ZNF728: variants seen among roughly 807,000 people sequenced by gnomAD.
The protein encoded by ZNF728 is zinc finger protein 728.
In ZNF728, 12 loss-of-function variants were observed where a neutral mutation model predicts 12.5. The observed-to-expected ratio is 0.96, with a 90% confidence interval of 0.61 to 1.55. The LOEUF (loss-of-function observed/expected upper bound fraction) is 1.55, where lower values mean the gene tolerates loss of function less well. Among genes scored for constraint, ZNF728 ranks in the 40% most tolerant of loss-of-function variants. ZNF728 has a pLI of 0.00. For synonymous variants in ZNF728, 205 were observed against 240.7 expected (o/e 0.85, Z 1.37); for missense variants, 692 against 719.2 (o/e 0.96, Z 0.43).
At chr19:23,000,926 T>C (rs1919254) in intron 1 of ZNF728, among the ~76,000 whole-genome samples, 1 of 127,814 alleles carries the variant, frequency 7.8e-6, no homozygotes, top group African/African-American at 2.8e-5. Flanking sequence ...AAGTGAACAA[T>C]GCATTTAATC....
chr19:23,000,157 A>C (rs1210394607), intron 1 of ZNF728, among the ~76,000 whole-genome samples: 10 of 151,984 alleles, frequency 6.6e-5, no homozygotes, highest in African/African-American at 1.7e-4. Context: ...TCATGAGGTC[A>C]GGAGATCGAG....
chr19:22,982,437 G>A (rs565787151), intron 3 of ZNF728, among the ~76,000 whole-genome samples: 1 of 152,182 alleles, frequency 6.6e-6, no homozygotes, highest in South Asian at 2.1e-4. Context: ...ATGGCCATAC[G>A]GCCCAAAGTA....
chr19:22,990,109 G>T (rs1479412354), intron 1 of ZNF728, among the ~76,000 whole-genome samples: 1 of 152,108 alleles, frequency 6.6e-6, no homozygotes, highest in African/African-American at 2.4e-5. Flanking sequence ...CAGAGACTTT[G>T]ACTATTGTAA....
intron 2 of ZNF728, 145 bp from the exon 3 acceptor site, chr19:22,987,548 T>A (rs1968931036): frequency 2.4e-6 from 2 of 829,560 alleles, no homozygotes; most frequent in African/African-American, 3.6e-5. Flanking sequence ...TTCTAAATAT[T>A]TAGAAAACAC....
At chr19:22,997,150 T>C (rs1347014713) in intron 1 of ZNF728, among the ~76,000 whole-genome samples, 2 of 152,114 alleles carry the variant, frequency 1.3e-5, no homozygotes, top group African/African-American at 2.4e-5. Context: ...CTTGACCAAA[T>C]AGTCCTAATA....
chr19:22,980,980 C>G (rs1968855294), intron 3 of ZNF728, among the ~76,000 whole-genome samples: 1 of 150,784 alleles, frequency 6.6e-6, no homozygotes, highest in Non-Finnish European at 1.5e-5. Context: ...GAAGCAAGAA[C>G]AAATAAATTC....
chr19:22,985,265 GA>G (rs1322043790), intron 3 of ZNF728, among the ~76,000 whole-genome samples: 1 of 152,078 alleles, frequency 6.6e-6, no homozygotes, highest in Non-Finnish European at 1.5e-5. Flanking sequence ...CAGATAAAAA[GA>G]AAAAGGTGCC....
At chr19:22,997,529 C>T (rs553445544) in intron 1 of ZNF728, among the ~76,000 whole-genome samples, 7 of 152,126 alleles carry the variant, frequency 4.6e-5, no homozygotes, top group Middle Eastern at 3.4e-3. Context: ...AAGAAAAATT[C>T]ATAGCGTTAA....
chr19:22,987,155 A>G (rs1470330355), intron 3 of ZNF728, among the ~76,000 whole-genome samples, 153 bp downstream of exon 3: 2 of 152,194 alleles, frequency 1.3e-5, no homozygotes, highest in Non-Finnish European at 2.9e-5. Context: ...AGAAGATGCC[A>G]CTGTGTGAGA....
chr19:23,000,381 AAAAC>A (rs1377480534), intron 1 of ZNF728, among the ~76,000 whole-genome samples: 2 of 151,262 alleles, frequency 1.3e-5, no homozygotes, highest in African/African-American at 4.8e-5. Context: ...CTGCCTCAAA[AAAAC>A]AAAAAAACAA....
At position 22,975,501 on chromosome 19, in the gene ZNF728, T is replaced by C. The variant is rs1437592776; in HGVS notation, c.1836A>G (p.Arg612=). The C allele has an allele frequency of 1.9e-6, 3 of 1,550,388 alleles. No homozygotes were observed. The Admixed American group carries it at 6.2e-5, about 32-fold the overall frequency. Residue 612 remains arginine, a synonymous_variant, in exon 4 of 4, where the codon AGA becomes AGG. Transcript: ENST00000594710. The part of the protein sequence containing the change: ...NQSSHLTTHK[R]IHTGGKTLQM ...GTAGGGTTTTTCCTCCAGTATGAAT[T>C]CTCTTATGAGTAGTAAGGTGTGAGG...
intron 3 of ZNF728, among the ~76,000 whole-genome samples, chr19:22,981,933 G>C (rs558448481): frequency 8.5e-5 from 13 of 152,152 alleles, no homozygotes; most frequent in African/African-American, 2.9e-4. Flanking sequence ...ATACTGAATG[G>C]CCAAAAACCA....
rs1314800793 is a variant in ZNF728 at position 22,975,140 on chromosome 19, T to G, written c.*328A>C. Reference sequence around the variant, plus strand: ...AAAAGCCTTGTCACATCTTTCAGGTTTGCAGTTTCTCTCTAGTATGAATTA... The same window carrying G: ...AAAAGCCTTGTCACATCTTTCAGGTGTGCAGTTTCTCTCTAGTATGAATTA... On this transcript the variant is annotated 3_prime_UTR_variant, in exon 4 of 4. Coordinates refer to ENST00000594710, the MANE Select transcript of ZNF728 (RefSeq NM_001267716.2). Among the ~76,000 whole-genome samples the G allele has an allele frequency of 6.6e-6, 1 of 152,238 alleles. No individual in the cohort carries two copies. The highest frequency in any genetic ancestry group is 2.4e-5 in the African/African-American group (1 of 41,476).
At chr19:22,996,345 C>T (rs1476658318) in intron 1 of ZNF728, among the ~76,000 whole-genome samples, 1 of 152,140 alleles carries the variant, frequency 6.6e-6, no homozygotes, top group Non-Finnish European at 1.5e-5. Context: ...CATAACTATA[C>T]TAACTGTACT....
Position 23,003,119 on chromosome 19 carries a change from CGGACGACACACAGCAGTAA to C in ZNF728, c.-108_-90del. 3 of 1,455,074 alleles carry C rather than the reference CGGACGACACACAGCAGTAA, an allele frequency of 2.1e-6. No individual in the cohort carries two copies. The highest frequency in any genetic ancestry group is 2.5e-5 in the East Asian group (1 of 39,828). The allele number at this position is 1,455,074 out of a possible 1,614,324, so 90.1% of individuals were successfully genotyped here. On this transcript the variant is annotated 5_prime_UTR_variant, in exon 1 of 4. Coordinates refer to ENST00000594710, the MANE Select transcript of ZNF728 (RefSeq NM_001267716.2). Reference sequence around the variant, plus strand: ...GCCATAGAAGCTGGGCCTTTAGGAGCGGACGACACACAGCAGTAAGGACGACACCTTGACCTCCGCGTGC... The same window carrying C: ...GCCATAGAAGCTGGGCCTTTAGGAGCGGACGACACCTTGACCTCCGCGTGC...
In ZNF728 at chr19:22,987,345, C is replaced by G. The variant is rs1968927928; in HGVS notation, c.189G>C (p.Trp63Cys). Reference protein sequence around the residue: ...IIFLEQGKEPWNMKRHELVKE... With the variant: ...IIFLEQGKEPCNMKRHELVKE... ...TCACCAGCTCATGTCTCTTCATATT[C>G]CAGGGCTCTTTTCCTTGCTCCAGAA... The change falls in exon 3 of 4, where the codon TGG becomes TGC. Residue 63 changes from tryptophan to cysteine, a missense_variant. Transcript: ENST00000594710. 6.2e-7 allele frequency: 1 copy of G among 1,612,414 alleles called. No homozygotes were observed. The highest frequency in any genetic ancestry group is 8.5e-7 in the Non-Finnish European group (1 of 1,179,244).
intron 1 of ZNF728, among the ~76,000 whole-genome samples, chr19:23,002,284 C>T (rs1969121377): frequency 6.6e-6 from 1 of 152,210 alleles, no homozygotes; most frequent in Admixed American, 6.5e-5. Flanking sequence ...CATTGCACTC[C>T]AGCCAGGGCG....
At chr19:22,990,963 G>C (rs1250896185) in intron 1 of ZNF728, among the ~76,000 whole-genome samples, 1 of 151,962 alleles carries the variant, frequency 6.6e-6, no homozygotes, top group African/African-American at 2.4e-5. Context: ...TCCACAAATG[G>C]GTCTTTTAAA....
Position 22,992,447 on chromosome 19 carries a change from T to C in ZNF728, c.4-3996A>G, listed in dbSNP as rs538245675. 3.3e-5 allele frequency among the ~76,000 whole-genome samples: 5 copies of C among 152,250 alleles called. No individual in the cohort carries two copies. In the East Asian group the frequency reaches 7.7e-4, roughly 24 times the overall value. The stretch of plus-strand genomic sequence containing the variant: ...TAGTAGAGACGGGATTTCACTATGT[T>C]GGCCAGGCTGGTCTCGAACTCCTGA... On this transcript the variant is annotated intron_variant, in intron 1 of 3. Coordinates refer to ENST00000594710, the MANE Select transcript of ZNF728 (RefSeq NM_001267716.2).
Sources: allele counts gnomAD v4.1 joint callset (sites outside exome capture counted in the v4.1 genomes callset), GRCh38; gene constraint gnomAD v4.1.1; transcripts MANE v1.5; gene names NCBI Gene and HGNC (gene_info 2026-07-23, HGNC 2026-07-21).